The following AOPEP variants were observed in gnomAD, a reference collection of about 807,000 sequenced individuals.
AOPEP encodes aminopeptidase O (putative), also known as aminopeptidase O.
Under a neutral mutation model 98.1 loss-of-function variants are expected in AOPEP, and 77 were observed. The observed-to-expected ratio is 0.78, with a 90% confidence interval of 0.65 to 0.95. The LOEUF (loss-of-function observed/expected upper bound fraction) is 0.95, where lower values mean the gene tolerates loss of function less well. AOPEP is among the 40% of genes least tolerant of loss of function. The pLI, the probability that AOPEP is intolerant of heterozygous loss-of-function variation, is 0.00. For missense variants in AOPEP, 1,024 were observed against 1,024.7 expected (o/e 1.00, Z 0.01); for synonymous variants, 346 against 365.3 (o/e 0.95, Z 0.60).
chr9:95,111,037 G>T, the AOPEP span: 1 of 1,456,612 alleles, frequency 6.9e-7, no homozygotes, highest in Non-Finnish European at 9.0e-7. Flanking sequence ...AGACAGTCAA[G>T]ATGGAAGCAA....
chr9:94,840,692 A>T (rs896402205), intron 5 of AOPEP, among the ~76,000 whole-genome samples: 1 of 152,068 alleles, frequency 6.6e-6, no homozygotes, highest in African/African-American at 2.4e-5. Context: ...AGGACTATTT[A>T]TGCTGTCTCT....
In AOPEP at chr9:94,808,335, C is replaced by T. The variant is rs552407156; in HGVS notation, c.1364+7333C>T. On this transcript the variant is annotated intron_variant, in intron 5 of 16. Coordinates refer to ENST00000375315, the MANE Select transcript of AOPEP (RefSeq NM_001193329.3). ...GATTACAGGCGTGAGCCACCGTGCC[C>T]AGCCTCAGCTTTTCTTTAAGAGAAG... 2.0e-5 allele frequency among the ~76,000 whole-genome samples: 3 copies of T among 152,344 alleles called. No individual in the cohort carries two copies. The East Asian group carries it at 5.8e-4, about 29-fold the overall frequency.
At chr9:94,984,332 G>A (rs2060386471) in intron 11 of AOPEP, among the ~76,000 whole-genome samples, 1 of 152,162 alleles carries the variant, frequency 6.6e-6, no homozygotes, top group Non-Finnish European at 1.5e-5. Flanking sequence ...CCTAGCCGGA[G>A]CTGATTTTTT....
intron 5 of AOPEP, among the ~76,000 whole-genome samples, chr9:94,835,360 C>T (rs538222673): frequency 6.6e-6 from 1 of 152,236 alleles, no homozygotes; most frequent in East Asian, 1.9e-4. Flanking sequence ...GACCTGTGAT[C>T]CCCCTGGTCT....
intron 5 of AOPEP, among the ~76,000 whole-genome samples, chr9:94,814,220 A>G (rs1393088144): frequency 2.6e-5 from 4 of 152,250 alleles, no homozygotes; most frequent in African/African-American, 9.6e-5. Context: ...GGGGCCTCAT[A>G]TGATGGCTTA....
chr9:95,085,218 C>A, intron 16 of AOPEP: 1 of 495,782 alleles, frequency 2.0e-6, no homozygotes, highest in East Asian at 5.9e-5. Context: ...CTCAGGTGCT[C>A]TGGCTGCTTG....
intron 9 of AOPEP, among the ~76,000 whole-genome samples, chr9:94,956,480 C>A (rs745317335): frequency 5.9e-5 from 9 of 152,194 alleles, no homozygotes; most frequent in Non-Finnish European, 8.8e-5. Context: ...TGTTTCTTTT[C>A]GCTGTCCTCC....
intron 7 of AOPEP, among the ~76,000 whole-genome samples, chr9:94,954,325 G>A (rs992148740): frequency 3.3e-5 from 5 of 151,830 alleles, no homozygotes; most frequent in Admixed American, 3.3e-4. Flanking sequence ...ACCCTGACTC[G>A]AAGGAAAAAA....
At position 94,980,311 on chromosome 9, in the gene AOPEP, A is replaced by G. The variant is rs576608192; in HGVS notation, c.1977+884A>G. Among the ~76,000 whole-genome samples the G allele has an allele frequency of 3.5e-3, 529 of 152,292 alleles. 4 individuals carry two copies. The highest frequency in any genetic ancestry group is 0.022 in the South Asian group (106 of 4,828). ...TCTCTCAGTCTGGGGCAGCCCCCAG[A>G]GCGGCTGCAGGCTGGGCCTGACCCA... On this transcript the variant is annotated intron_variant, in intron 11 of 16. Transcript: ENST00000375315. This position sits in a 1 kb window ranked among gnomAD's most constrained non-coding sequence, Gnocchi z 4.3.
intron 13 of AOPEP, among the ~76,000 whole-genome samples, chr9:95,053,775 A>C (rs2066591518): frequency 6.6e-6 from 1 of 152,142 alleles, no homozygotes; most frequent in Non-Finnish European, 1.5e-5. Flanking sequence ...GCTGAAGTCT[A>C]CTGGATTAAT....
At chr9:94,951,883 T>G (rs72750335) in intron 7 of AOPEP, among the ~76,000 whole-genome samples, 5,123 of 152,260 alleles carry the variant, frequency 0.034, 106 homozygotes, top group Admixed American at 0.064. Context: ...ATTTTCCCCC[T>G]TTATAAGGAA....
intron 3 of AOPEP, among the ~76,000 whole-genome samples, chr9:94,789,897 G>A (rs573457008): frequency 2.7e-4 from 41 of 149,928 alleles, no homozygotes; most frequent in African/African-American, 7.4e-4. Context: ...TTTTTTAGAC[G>A]GAGTCTCGCT....
At position 95,027,759 on chromosome 9, in the gene AOPEP, A is replaced by G. The variant is rs183505597; in HGVS notation, c.2115+22143A>G. The stretch of plus-strand genomic sequence containing the variant: ...CAAAAGTTGTGCAGGAAACTTTATC[A>G]CATCATTAGAACATGGCAGGGGTTA... On this transcript the variant is annotated intron_variant, in intron 13 of 16. Coordinates refer to ENST00000375315, the MANE Select transcript of AOPEP (RefSeq NM_001193329.3). Among the ~76,000 whole-genome samples, 118 of 152,372 alleles carry G rather than the reference A, an allele frequency of 7.7e-4. 1 individual carries two copies. Among genetic ancestry groups the G allele is most frequent in the African/African-American group, 2.8e-3 (115 of 41,594 alleles).
intron 14 of AOPEP, among the ~76,000 whole-genome samples, chr9:95,064,106 G>A (rs2067612293): frequency 6.6e-6 from 1 of 152,176 alleles, no homozygotes; most frequent in African/African-American, 2.4e-5. Flanking sequence ...GCAAGTGAAT[G>A]TGAGGAAACA....
At chr9:94,746,299 G>A (rs927110964) in intron 1 of AOPEP, among the ~76,000 whole-genome samples, 3 of 152,088 alleles carry the variant, frequency 2.0e-5, no homozygotes, top group Non-Finnish European at 2.9e-5. Flanking sequence ...TGGATATCTC[G>A]GTTAAGAACA....
the AOPEP span, chr9:95,150,168 A>G: frequency 5.4e-6 from 8 of 1,488,896 alleles, no homozygotes; most frequent in Non-Finnish European, 6.5e-6. Flanking sequence ...CATGCTAAAA[A>G]GGTCAAAGAC....
At chr9:95,060,387 G>C (rs1336368967) in intron 13 of AOPEP, among the ~76,000 whole-genome samples, 1 of 152,224 alleles carries the variant, frequency 6.6e-6, no homozygotes, top group Admixed American at 6.5e-5. Context: ...TAAAGGAAGA[G>C]ATCCAGTAAA....
intron 5 of AOPEP, among the ~76,000 whole-genome samples, chr9:94,905,889 G>C (rs1004529502): frequency 1.3e-5 from 2 of 152,148 alleles, no homozygotes; most frequent in African/African-American, 4.8e-5. Context: ...AGAAGGGGCT[G>C]GGGGGAGGGG....
the AOPEP span, among the ~76,000 whole-genome samples, chr9:95,109,163 C>T: frequency 6.6e-6 from 1 of 152,172 alleles, no homozygotes; most frequent in Non-Finnish European, 1.5e-5. Flanking sequence ...ACGGCCACCT[C>T]GGCCTTCCAA....
Sources: allele counts gnomAD v4.1 joint callset (sites outside exome capture counted in the v4.1 genomes callset), GRCh38; gene constraint gnomAD v4.1.1; non-coding constraint Gnocchi (gnomAD v3.1); transcripts MANE v1.5; gene names NCBI Gene and HGNC (gene_info 2026-07-23, HGNC 2026-07-21).